The following TRIM14 variants were observed in gnomAD, a reference collection of about 807,000 sequenced individuals.
TRIM14 encodes tripartite motif-containing protein 14.
In TRIM14, 28 loss-of-function variants were observed where a neutral mutation model predicts 44.5. The ratio of observed to expected loss-of-function variants is 0.63; its 90% CI spans 0.47 to 0.86. TRIM14 has a LOEUF of 0.86. Among genes scored for constraint, TRIM14 ranks in the 40% least tolerant of loss-of-function variants. The probability of loss-of-function intolerance (pLI) is 0.00; values close to 1 mark genes in which losing one functional copy is unlikely to be tolerated. For synonymous variants in TRIM14, 299 were observed against 269.2 expected (o/e 1.11, Z -1.08); for missense variants, 607 against 611.1 (o/e 0.99, Z 0.07).
At chr9:98,078,091 G>A (rs1829671065) in intron 6 of TRIM14, 2 of 1,525,328 alleles carry the variant, frequency 1.3e-6, no homozygotes, top group African/African-American at 1.4e-5. Context: ...AGAGATGTCT[G>A]TGGAGTTCAG....
At position 98,094,876 on chromosome 9, in the gene TRIM14, G is replaced by A; in HGVS notation, c.691C>T (p.Leu231Phe). Residue 231 changes from leucine (L) to phenylalanine (F), a missense_variant, in exon 4 of 6, where the codon CTT becomes TTT. Around this residue, in one of 3 missense-constraint regions of TRIM14, gnomAD observed 356 missense variants for 323.0 expected, o/e 1.10. Coordinates refer to ENST00000341469, the MANE Select transcript of TRIM14 (RefSeq NM_014788.4). ...STLQTPLDIRLKESINCQLSD... is the reference protein window; with the variant it reads ...STLQTPLDIRFKESINCQLSD... ...TCACTCGGCGACTTACTTTCCTTAA[G>A]GCGAATGTCCAATGGCGTCTGTAAT... is the stretch of plus-strand genomic sequence containing the variant. The A allele has an allele frequency of 1.2e-6, 2 of 1,613,900 alleles. No individual in the cohort carries two copies. The highest frequency in any genetic ancestry group is 1.7e-6 in the Non-Finnish European group (2 of 1,179,866).
intron 1 of TRIM14, among the ~76,000 whole-genome samples, chr9:98,117,030 C>T (rs138318158): frequency 1.2e-3 from 187 of 152,190 alleles, no homozygotes; most frequent in Middle Eastern, 0.01. Flanking sequence ...TCTTAGCACA[C>T]CTGTTATGCA....
chr9:98,090,600 T>A (rs1485913925), intron 5 of TRIM14, among the ~76,000 whole-genome samples: 1 of 150,948 alleles, frequency 6.6e-6, no homozygotes, highest in African/African-American at 2.4e-5. Flanking sequence ...AGTCTTGCTC[T>A]GTTGCCAGGC....
At chr9:98,061,834 C>T in the TRIM14 span, among the ~76,000 whole-genome samples, 2 of 151,522 alleles carry the variant, frequency 1.3e-5, no homozygotes, top group Non-Finnish European at 2.9e-5. Flanking sequence ...CAAGTTGTCT[C>T]TGGAAGTAGG....
At chr9:98,089,185 AT>A (rs1331411283) in intron 5 of TRIM14, among the ~76,000 whole-genome samples, 1 of 151,250 alleles carries the variant, frequency 6.6e-6, no homozygotes, top group East Asian at 1.9e-4. Context: ...CTTTATTTTT[AT>A]TTTTTTTAAG....
the TRIM14 span, among the ~76,000 whole-genome samples, chr9:98,063,699 G>A: frequency 6.6e-6 from 1 of 151,134 alleles, no homozygotes; most frequent in East Asian, 1.9e-4. Flanking sequence ...GTGCCAACAC[G>A]CTTGGCTAAT....
At chr9:98,059,034 T>TA in the TRIM14 span, among the ~76,000 whole-genome samples, 13 of 152,228 alleles carry the variant, frequency 8.5e-5, no homozygotes, top group South Asian at 2.1e-4. Context: ...TTTTTATTTT[T>TA]TTTTTTCAAG....
chr9:98,111,651 GT>G (rs1826856733), intron 1 of TRIM14, among the ~76,000 whole-genome samples: 1 of 152,106 alleles, frequency 6.6e-6, no homozygotes, highest in African/African-American at 2.4e-5. Flanking sequence ...TTTAAAAGTT[GT>G]TTTCAGGCTG....
At chr9:98,114,372 C>T (rs915173309) in intron 1 of TRIM14, among the ~76,000 whole-genome samples, 7 of 151,864 alleles carry the variant, frequency 4.6e-5, no homozygotes, top group African/African-American at 9.7e-5. Context: ...CTCATTCTGT[C>T]GCCCAGGCTG....
chr9:98,098,712 AG>A (rs1310714364), intron 3 of TRIM14, among the ~76,000 whole-genome samples: 1 of 152,034 alleles, frequency 6.6e-6, no homozygotes, highest in Non-Finnish European at 1.5e-5. Flanking sequence ...TCAAAAAAAA[AG>A]AAAAAAGTAG....
chr9:98,064,283 T>C (rs1042238916), downstream of TRIM14, among the ~76,000 whole-genome samples: 2 of 152,164 alleles, frequency 1.3e-5, no homozygotes, highest in Non-Finnish European at 2.9e-5. Context: ...AGACGGAGTC[T>C]TGGTCTGTTG....
chr9:98,075,030 G>C (rs796881608), intron 6 of TRIM14: 13 of 152,290 alleles, frequency 8.5e-5, no homozygotes, highest in African/African-American at 3.1e-4. Flanking sequence ...AAGGTACTGG[G>C]CATGGCAGCT....
the TRIM14 span, among the ~76,000 whole-genome samples, chr9:98,047,514 T>A: frequency 2.0e-5 from 3 of 152,162 alleles, no homozygotes; most frequent in Non-Finnish European, 2.9e-5. Flanking sequence ...GAAAAACCTC[T>A]GTTTTTCTCA....
chr9:98,107,358 T>C (rs942994300), intron 2 of TRIM14, among the ~76,000 whole-genome samples: 1 of 152,174 alleles, frequency 6.6e-6, no homozygotes, highest in Non-Finnish European at 1.5e-5. Flanking sequence ...GAAGCCTTAT[T>C]TGCAATAGCC....
chr9:98,076,985 A>G, intron 6 of TRIM14: 2 of 1,610,668 alleles, frequency 1.2e-6, no homozygotes, highest in African/African-American at 2.7e-5. Flanking sequence ...GACACTAATA[A>G]TTTTCCTTAT....
chr9:98,102,493 T>C (rs969101282), intron 2 of TRIM14, among the ~76,000 whole-genome samples: 7 of 152,234 alleles, frequency 4.6e-5, no homozygotes, highest in Non-Finnish European at 8.8e-5. Context: ...AAATAATTTA[T>C]AGCGATTACA....
At chr9:98,037,548 G>A in the TRIM14 span, among the ~76,000 whole-genome samples, 18 of 152,288 alleles carry the variant, frequency 1.2e-4, no homozygotes, top group Middle Eastern at 3.4e-3. Flanking sequence ...GGAGTGGGGA[G>A]TGTGCAGGAA....
At chr9:98,103,107 C>T (rs113156519) in intron 2 of TRIM14, among the ~76,000 whole-genome samples, 1,748 of 152,110 alleles carry the variant, frequency 0.011, 36 homozygotes, top group African/African-American at 0.039. Flanking sequence ...ATTGCTTGAA[C>T]CCAGGAGGCG....
chr9:98,056,739 A>G, the TRIM14 span: 154 of 1,560,384 alleles, frequency 9.9e-5, no homozygotes, highest in Non-Finnish European at 1.3e-4. Context: ...CTCACAGAAC[A>G]GAGTAGAGGC....
Sources: allele counts gnomAD v4.1 joint callset (sites outside exome capture counted in the v4.1 genomes callset), GRCh38; gene constraint gnomAD v4.1.1; regional missense constraint gnomAD v4.1.1; transcripts MANE v1.5; gene names NCBI Gene and HGNC (gene_info 2026-07-23, HGNC 2026-07-21).